BTBD9: variants seen among roughly 807,000 people sequenced by gnomAD.
BTBD9 encodes the protein BTB/POZ domain-containing protein 9.
Under a neutral mutation model 64.3 loss-of-function variants are expected in BTBD9, and 49 were observed. The ratio of observed to expected loss-of-function variants is 0.76; its 90% CI spans 0.61 to 0.97. The LOEUF is 0.97. BTBD9 is among the 50% of genes least tolerant of loss of function. The probability of loss-of-function intolerance (pLI) is 0.00; values close to 1 mark genes in which losing one functional copy is unlikely to be tolerated. For synonymous variants in BTBD9, 260 were observed against 274.7 expected, an observed-to-expected ratio of 0.95 and a Z score of 0.53; for missense variants, 598 against 762.1, an observed-to-expected ratio of 0.78 and a Z score of 2.53.
chr6:38,402,937 G>T, intron 6 of BTBD9: 1 of 672,422 alleles, frequency 1.5e-6, no homozygotes, highest in East Asian at 2.7e-5. Context: ...CTGGACTTTG[G>T]TGGTGTGCAC....
intron 5 of BTBD9, among the ~76,000 whole-genome samples, chr6:38,578,536 T>G (rs954990166): frequency 6.6e-6 from 1 of 152,204 alleles, no homozygotes; most frequent in African/African-American, 2.4e-5. Context: ...AATGTCATCC[T>G]GCAACCCACA....
At chr6:38,260,474 C>T (rs1364021170) in intron 8 of BTBD9, among the ~76,000 whole-genome samples, 1 of 152,064 alleles carries the variant, frequency 6.6e-6, no homozygotes, top group Non-Finnish European at 1.5e-5. Flanking sequence ...TAGAACCTAA[C>T]CACATCTCAA....
chr6:38,511,213 A>G (rs894674024), intron 6 of BTBD9, among the ~76,000 whole-genome samples: 9 of 151,896 alleles, frequency 5.9e-5, no homozygotes, highest in African/African-American at 2.2e-4. Flanking sequence ...TAACCTTCCC[A>G]CCTGAAAAAC....
At chr6:38,626,292 T>C (rs1005295970) in intron 1 of BTBD9, among the ~76,000 whole-genome samples, 1 of 152,254 alleles carries the variant, frequency 6.6e-6, no homozygotes, top group Admixed American at 6.5e-5. Flanking sequence ...CAAGCATTTA[T>C]CCTTTGTGTT....
chr6:38,363,875 C>T lies in BTBD9; in HGVS notation c.1155-18782G>A, dbSNP rs141913412. 1.2e-4 allele frequency among the ~76,000 whole-genome samples: 19 copies of T among 152,212 alleles called. No homozygotes were observed. In the East Asian group the frequency reaches 2.3e-3, roughly 19 times the overall value. On this transcript the variant is annotated intron_variant, in intron 6 of 10. Coordinates refer to ENST00000481247, the MANE Select transcript of BTBD9 (RefSeq NM_001099272.2). The stretch of plus-strand genomic sequence containing the variant: ...GGAATAATAATGCTAATTTTAAATG[C>T]CCTCTTAATAAAATGTTCAGATTGC...
chr6:38,572,799 T>C (rs1775835349), intron 6 of BTBD9, among the ~76,000 whole-genome samples: 1 of 150,526 alleles, frequency 6.6e-6, no homozygotes, highest in Non-Finnish European at 1.5e-5. Context: ...AAAATATATA[T>C]ATATACATAA....
chr6:38,189,501 G>A (rs13214160), intron 10 of BTBD9, among the ~76,000 whole-genome samples: 1 of 152,024 alleles, frequency 6.6e-6, no homozygotes, highest in African/African-American at 2.4e-5. Flanking sequence ...TACATTTTTT[G>A]TTTTTTGAGT....
chr6:38,595,951 A>T, intron 2 of BTBD9: 1 of 985,452 alleles, frequency 1.0e-6, no homozygotes, highest in Non-Finnish European at 1.2e-6. Flanking sequence ...ATGCTTTAAA[A>T]GTGGTTTTGA....
intron 6 of BTBD9, among the ~76,000 whole-genome samples, chr6:38,490,317 C>T (rs756100997): frequency 1.8e-4 from 28 of 152,236 alleles, no homozygotes; most frequent in Admixed American, 3.3e-4. Flanking sequence ...AAAGACACAT[C>T]CATTTCTTTT....
chr6:38,509,232 T>C (rs1772673780), intron 6 of BTBD9, among the ~76,000 whole-genome samples: 1 of 152,188 alleles, frequency 6.6e-6, no homozygotes, highest in South Asian at 2.1e-4. Context: ...AAGAACAAGT[T>C]TGGATGTTCT....
intron 6 of BTBD9, among the ~76,000 whole-genome samples, chr6:38,500,554 T>C (rs1248441257): frequency 1.3e-5 from 2 of 152,186 alleles, no homozygotes; most frequent in Admixed American, 6.5e-5. Flanking sequence ...CTTCCACTTT[T>C]CTCTAACTCA....
At chr6:38,419,565 A>G (rs1031393177) in intron 6 of BTBD9, among the ~76,000 whole-genome samples, 24 of 152,212 alleles carry the variant, frequency 1.6e-4, no homozygotes, top group Non-Finnish European at 3.5e-4. Flanking sequence ...AGACTCTAAA[A>G]TACTCGCTTA....
At chr6:38,354,394 A>G (rs1027572387) in intron 6 of BTBD9, among the ~76,000 whole-genome samples, 5 of 152,146 alleles carry the variant, frequency 3.3e-5, no homozygotes, top group African/African-American at 9.7e-5. Flanking sequence ...GTTCATATAT[A>G]TAATATATCT....
chr6:38,198,975 G>A (rs1370270046), intron 9 of BTBD9, among the ~76,000 whole-genome samples: 1 of 152,274 alleles, frequency 6.6e-6, no homozygotes, highest in East Asian at 1.9e-4. Flanking sequence ...CAAGTCACCA[G>A]CTACCTTTGA....
chr6:38,264,641 A>G (rs995177411), intron 8 of BTBD9, among the ~76,000 whole-genome samples: 5 of 152,230 alleles, frequency 3.3e-5, no homozygotes, highest in African/African-American at 1.2e-4. Flanking sequence ...ACTTTCCCAA[A>G]GATGAGAGGG....
intron 6 of BTBD9, among the ~76,000 whole-genome samples, chr6:38,464,151 G>A (rs905458931): frequency 3.3e-5 from 5 of 152,210 alleles, no homozygotes; most frequent in Non-Finnish European, 7.3e-5. Context: ...GTGGGTACAG[G>A]AGGAAGGCAG....
chr6:38,576,905 A>C (rs1315020419), intron 6 of BTBD9, among the ~76,000 whole-genome samples: 1 of 152,184 alleles, frequency 6.6e-6, no homozygotes, highest in Non-Finnish European at 1.5e-5. Context: ...ATGATGGATT[A>C]TACCTAAAGG....
chr6:38,410,499 A>C (rs1194576968), intron 6 of BTBD9, among the ~76,000 whole-genome samples: 2 of 152,166 alleles, frequency 1.3e-5, no homozygotes, highest in African/African-American at 4.8e-5. Flanking sequence ...AAAAAGAATA[A>C]AAAATAATGT....
chr6:38,203,107 T>C (rs1762520550), intron 9 of BTBD9, among the ~76,000 whole-genome samples: 1 of 152,052 alleles, frequency 6.6e-6, no homozygotes, highest in Non-Finnish European at 1.5e-5. Flanking sequence ...AAAATGTAAA[T>C]CAAAACCACA....
Sources: gnomAD v4.1 joint callset for allele counts (sites outside exome capture counted in the v4.1 genomes callset) on GRCh38, gnomAD v4.1.1 for gene constraint, MANE v1.5 for transcripts, NCBI Gene and HGNC (gene_info 2026-07-23, HGNC 2026-07-21) for gene names.